Variants in HKDC1 observed in about 807,000 individuals in gnomAD.
The protein encoded by HKDC1 is hexokinase domain containing 1.
Under a neutral mutation model 96.6 loss-of-function variants are expected in HKDC1, and 66 were observed. The observed-to-expected ratio is 0.68, with a 90% confidence interval of 0.56 to 0.84. HKDC1 has a LOEUF of 0.84. Ranked by LOEUF, HKDC1 falls within the 40% of genes least tolerant of loss-of-function variation. The pLI, the probability that HKDC1 is intolerant of heterozygous loss-of-function variation, is 0.00. For synonymous variants in HKDC1, 466 were observed against 473.1 expected, an observed-to-expected ratio of 0.98 and a Z score of 0.20; for missense variants, 1,211 against 1,208.1, an observed-to-expected ratio of 1.00 and a Z score of -0.04.
intron 16 of HKDC1, among the ~76,000 whole-genome samples, chr10:69,264,141 G>A (rs536594242): frequency 7.3e-5 from 11 of 151,418 alleles, no homozygotes; most frequent in African/African-American, 1.2e-4. Context: ...GTGAAACTCC[G>A]CCTCAAAAAG....
Position 69,257,665 on chromosome 10 carries a change from G to T in HKDC1, c.2032+239G>T, listed in dbSNP as rs142754299. Among the ~76,000 whole-genome samples the T allele has an allele frequency of 6.3e-3, 941 of 149,568 alleles. 8 individuals are homozygous for T. Among genetic ancestry groups the T allele is most frequent in the South Asian group, 0.037 (177 of 4,796 alleles). On this transcript the variant is annotated intron_variant, in intron 14 of 17. Coordinates refer to ENST00000354624, the MANE Select transcript of HKDC1 (RefSeq NM_025130.4). The stretch of plus-strand genomic sequence containing the variant: ...CAGGAAGAAGAGATTTTTAAATAAG[G>T]ACCTTGGGGCCAATTGTCATGGGGG...
At chr10:69,229,330 G>T (rs1463975571) in intron 2 of HKDC1, among the ~76,000 whole-genome samples, 1 of 152,226 alleles carries the variant, frequency 6.6e-6, no homozygotes, top group Non-Finnish European at 1.5e-5. Context: ...ACTGGGAAAG[G>T]CCCTGTGCCC....
intron 1 of HKDC1, among the ~76,000 whole-genome samples, chr10:69,221,107 G>A (rs1365230361): frequency 1.3e-5 from 2 of 152,078 alleles, no homozygotes; most frequent in African/African-American, 2.4e-5. Flanking sequence ...CCGAGATCGC[G>A]CCATTGCACT....
intron 4 of HKDC1, among the ~76,000 whole-genome samples, chr10:69,234,081 G>C (rs1220805680): frequency 6.6e-6 from 1 of 151,980 alleles, no homozygotes; most frequent in Non-Finnish European, 1.5e-5. Flanking sequence ...TGTGAATAAA[G>C]ACAGCAAATA....
chr10:69,247,474 G>A lies in HKDC1; in HGVS notation c.1146G>A (p.Ser382=), dbSNP rs780344073. The A allele has an allele frequency of 1.7e-5, 27 of 1,613,972 alleles. 1 individual carries two copies. In the Admixed American group the frequency reaches 2.0e-4, roughly 12 times the overall value. ...TCTGTACCATCGTCTCCTTCCGCTCGGCCAATCTCTGTGCAGCAGCTCTGG... is the reference window on the plus strand; with the variant it reads ...TCTGTACCATCGTCTCCTTCCGCTCAGCCAATCTCTGTGCAGCAGCTCTGG... ...QHVCTIVSFR[S]ANLCAAALAA... is the part of the protein sequence containing the mutation. Residue 382 remains serine (S), a synonymous_variant, in exon 9 of 18, where the codon TCG becomes TCA. Coordinates refer to ENST00000354624, the MANE Select transcript of HKDC1 (RefSeq NM_025130.4).
chr10:69,253,399 C>A (rs1843674063), intron 12 of HKDC1, among the ~76,000 whole-genome samples: 1 of 152,184 alleles, frequency 6.6e-6, no homozygotes, highest in African/African-American at 2.4e-5. Context: ...TGGGAGCAGG[C>A]CCAGATGAGG....
chr10:69,257,179 G>A, intron 13 of HKDC1, 48 bp downstream of exon 13: 1 of 1,555,316 alleles, frequency 6.4e-7, no homozygotes, highest in East Asian at 2.2e-5. Flanking sequence ...GCCTTCCCCA[G>A]GCCCCTCTGC....
At position 69,266,924 on chromosome 10, in the gene HKDC1, G is replaced by C; in HGVS notation, c.*167G>C. The C allele has an allele frequency of 1.7e-6, 1 of 595,482 alleles. No homozygotes were observed. The highest frequency in any genetic ancestry group is 2.8e-6 in the Non-Finnish European group (1 of 351,644). The allele number at this position is 595,482 out of a possible 1,614,324, so 36.9% of individuals were successfully genotyped here. ...ACTCTTAGTATCTTGTACTGGATTT[G>C]CAGTGACATTACATGACATCTCTAT... On this transcript the variant is annotated 3_prime_UTR_variant, in exon 18 of 18. Transcript: ENST00000354624.
intron 1 of HKDC1, among the ~76,000 whole-genome samples, chr10:69,224,909 C>G (rs1274180673): frequency 6.6e-6 from 1 of 152,130 alleles, no homozygotes; most frequent in Non-Finnish European, 1.5e-5. Flanking sequence ...GTGCCTGGGA[C>G]GTGTGTCCCT....
chr10:69,243,214 A>C lies in HKDC1; in HGVS notation c.724A>C (p.Met242Leu), dbSNP rs771567736. The C allele has an allele frequency of 1.2e-6, 2 of 1,614,264 alleles. No individual in the cohort carries two copies. The highest frequency in any genetic ancestry group is 1.7e-6 in the Non-Finnish European group (2 of 1,180,038). ...CACCAATGCGTGTTACATGGAGGACATGAGCAACATTGACCTGGTGGAGGG... is the reference window on the plus strand; with the variant it reads ...CACCAATGCGTGTTACATGGAGGACCTGAGCAACATTGACCTGGTGGAGGG... The part of the protein sequence containing the change: ...TGTNACYMED[M>L]SNIDLVEGDE... Residue 242 changes from methionine to leucine, a missense_variant, in exon 7 of 18, where the codon ATG becomes CTG. Met to Leu is a conservative substitution (Grantham distance 15, BLOSUM62 2). Transcript: ENST00000354624.
intron 16 of HKDC1, chr10:69,262,179 A>G (rs1429259535): frequency 3.1e-6 from 1 of 323,168 alleles, no homozygotes; most frequent in African/African-American, 2.2e-5. Context: ...TCCCCTATCA[A>G]CTCTTTGGTG....
intron 2 of HKDC1, among the ~76,000 whole-genome samples, chr10:69,228,935 GAAGAAAGAGAAAGA>G (rs879901858): frequency 7.3e-5 from 11 of 151,336 alleles, no homozygotes; most frequent in African/African-American, 1.5e-4. Flanking sequence ...AGGAAAGAAA[GAAGAAAGAGAAAGA>G]AAGAAAGAGA....
rs1236798116 is a variant in HKDC1, at chr10:69,250,600, T to A, written c.1784T>A (p.Leu595Gln). Residue 595 changes from leucine to glutamine, a missense_variant, in exon 12 of 18, where the codon CTA becomes CAA. Physicochemically the swap from Leu to Gln is moderately radical, Grantham distance 113. Transcript: ENST00000354624. Reference protein sequence around the residue: ...LDYMGLKGASLPLGFTFSFPC... With the variant: ...LDYMGLKGASQPLGFTFSFPC... The stretch of plus-strand genomic sequence containing the variant: ...TACATGGGCCTCAAGGGAGCCTCCC[T>A]ACCTTTGGGCTTCACATTCTCATTT... 1.2e-6 allele frequency: 2 copies of A among 1,614,084 alleles called. No individual in the cohort carries two copies. The highest frequency in any genetic ancestry group is 1.7e-6 in the Non-Finnish European group (2 of 1,180,002).
chr10:69,253,572 A>T (rs949265974), intron 12 of HKDC1, among the ~76,000 whole-genome samples: 6 of 152,200 alleles, frequency 3.9e-5, no homozygotes, highest in Non-Finnish European at 4.4e-5. Flanking sequence ...TGGTTTCCCC[A>T]TTGGTGAAAA....
chr10:69,256,079 T>C (rs1158179226), intron 12 of HKDC1, among the ~76,000 whole-genome samples: 1 of 152,152 alleles, frequency 6.6e-6, no homozygotes, highest in Non-Finnish European at 1.5e-5. Flanking sequence ...ACCCTTTTGG[T>C]GTATATATTA....
chr10:69,240,685 G>A lies in HKDC1; in HGVS notation c.625G>A (p.Asp209Asn). ...MDVDILALVN[D>N]TVGTMMTCAY... The stretch of plus-strand genomic sequence containing the variant: ...CGTGGACATCCTGGCCCTGGTCAAT[G>A]ACACCGTGGGGACCATGATGACCTG... The change falls in exon 6 of 18, where the codon GAC (aspartate) becomes AAC (asparagine). Residue 209 changes from aspartate (D) to asparagine (N), a missense_variant. By Grantham distance (23) the Asp-to-Asn change is conservative. Transcript: ENST00000354624. The A allele has an allele frequency of 6.2e-7, 1 of 1,614,078 alleles. No homozygotes were observed. The highest frequency in any genetic ancestry group is 1.1e-5 in the South Asian group (1 of 91,064).
chr10:69,243,411 C>T, intron 7 of HKDC1, 46 bp downstream of exon 7: 1 of 1,474,442 alleles, frequency 6.8e-7, no homozygotes, highest in Non-Finnish European at 9.0e-7. Flanking sequence ...CCAGGCAGTG[C>T]CTAATCACTC....
intron 4 of HKDC1, among the ~76,000 whole-genome samples, chr10:69,236,088 TA>T (rs1843356066): frequency 6.6e-6 from 1 of 151,200 alleles, no homozygotes; most frequent in African/African-American, 2.4e-5. Context: ...GAACTTCATT[TA>T]AAATGGCAGC....
intron 2 of HKDC1, 57 bp from the exon 3 acceptor site, chr10:69,232,707 C>A: frequency 1.3e-6 from 2 of 1,493,850 alleles, no homozygotes; most frequent in Non-Finnish European, 9.3e-7. Flanking sequence ...TAATGCAGAG[C>A]TTGCCATATC....
Sources: allele counts gnomAD v4.1 joint callset (sites outside exome capture counted in the v4.1 genomes callset), GRCh38; gene constraint gnomAD v4.1.1; transcripts MANE v1.5; gene names NCBI Gene and HGNC (gene_info 2026-07-23, HGNC 2026-07-21).